Variants in ARHGAP17 observed in about 807,000 individuals in gnomAD.
The protein encoded by ARHGAP17 is rho GTPase-activating protein 17.
Under a neutral mutation model 99.5 loss-of-function variants are expected in ARHGAP17, and 57 were observed. The ratio of observed to expected loss-of-function variants is 0.57; its 90% CI spans 0.46 to 0.71. ARHGAP17 has a LOEUF of 0.71. Ranked by LOEUF, ARHGAP17 falls within the 30% of genes least tolerant of loss-of-function variation. ARHGAP17 has a pLI of 0.00. For synonymous variants in ARHGAP17, 417 were observed against 429.6 expected (o/e 0.97, Z 0.36); for missense variants, 1,000 against 1,122.4 (o/e 0.89, Z 1.56).
chr16:24,994,458 G>T (rs2053137567), intron 1 of ARHGAP17, among the ~76,000 whole-genome samples: 1 of 152,094 alleles, frequency 6.6e-6, no homozygotes, highest in African/African-American at 2.4e-5. Context: ...CCTTCCATGA[G>T]CCATCATGAG....
At chr16:24,987,630 G>C (rs2052913313) in intron 1 of ARHGAP17, among the ~76,000 whole-genome samples, 3 of 151,930 alleles carry the variant, frequency 2.0e-5, no homozygotes, top group Admixed American at 2.0e-4. Context: ...CCAACCCAAG[G>C]ATGGCAAATA....
intron 19 of ARHGAP17, among the ~76,000 whole-genome samples, chr16:24,925,874 G>A (rs1380753066): frequency 6.6e-6 from 1 of 152,186 alleles, no homozygotes; most frequent in Non-Finnish European, 1.5e-5. Context: ...ACTTTGGGAG[G>A]CCGAGACGGG....
chr16:24,976,589 G>C (rs2052523846), intron 3 of ARHGAP17, among the ~76,000 whole-genome samples: 1 of 151,500 alleles, frequency 6.6e-6, no homozygotes, highest in Non-Finnish European at 1.5e-5. Context: ...AAAGGGAAGG[G>C]AAGCAAAAAG....
At chr16:24,969,218 T>C (rs1318168204) in intron 4 of ARHGAP17, among the ~76,000 whole-genome samples, 4 of 152,226 alleles carry the variant, frequency 2.6e-5, no homozygotes, top group African/African-American at 9.6e-5. Context: ...GTTACATAAA[T>C]ATCATGTTTC....
At chr16:24,937,351 G>A (rs1435828890) in intron 17 of ARHGAP17, among the ~76,000 whole-genome samples, 1 of 152,076 alleles carries the variant, frequency 6.6e-6, no homozygotes, top group African/African-American at 2.4e-5. Flanking sequence ...GAACCCAGGA[G>A]GCAGAGGTTG....
At chr16:24,943,749 A>G (rs1248727374) in intron 15 of ARHGAP17, 22 bp downstream of exon 15, 3 of 1,606,352 alleles carry the variant, frequency 1.9e-6, no homozygotes, top group South Asian at 1.1e-5. Context: ...TTGGCGGTCA[A>G]TGAAACTGAA....
chr16:24,955,316 C>G lies in ARHGAP17; in HGVS notation c.725-586G>C, dbSNP rs187704790. 6.6e-6 allele frequency: 1 copy of G among 152,230 alleles called. No homozygotes were observed. The highest frequency in any genetic ancestry group is 2.4e-5 in the African/African-American group (1 of 41,452). 9.4% of individuals were successfully genotyped at this position (152,230 alleles called of 1,614,324 possible). A position where few individuals can be genotyped will look rare whatever the true frequency, so the allele number is the denominator to read the frequency against. Reference sequence around the variant, plus strand: ...TGCTTCAGAACACCGCATCCCCAAACAGCTCCGAAAAATTCTGAGTGGAAA... The same window carrying G: ...TGCTTCAGAACACCGCATCCCCAAAGAGCTCCGAAAAATTCTGAGTGGAAA... On this transcript the variant is annotated intron_variant, in intron 9 of 19. Coordinates refer to ENST00000289968, the MANE Select transcript of ARHGAP17 (RefSeq NM_001006634.3). This position sits in a 1 kb window ranked among gnomAD's most constrained non-coding sequence, Gnocchi z 4.0.
intron 1 of ARHGAP17, among the ~76,000 whole-genome samples, chr16:25,000,792 C>T (rs1357174576): frequency 1.3e-5 from 2 of 152,200 alleles, no homozygotes; most frequent in East Asian, 1.9e-4. Context: ...ATCTAAAGTG[C>T]ATTGCAATTG....
intron 1 of ARHGAP17, among the ~76,000 whole-genome samples, chr16:25,007,627 A>C (rs1403713115): frequency 6.6e-6 from 1 of 152,092 alleles, no homozygotes; most frequent in Non-Finnish European, 1.5e-5. Context: ...CAGCCTCCCA[A>C]AATGCTGAGA....
chr16:24,954,603 C>T lies in ARHGAP17; in HGVS notation c.852G>A (p.Glu284=). Reference sequence around the variant, plus strand: ...CACAGGATCACGAAGCTCCCCTCACCTCCTCCTTCATGCCTGTCTCCAGAA... The same window carrying T: ...CACAGGATCACGAAGCTCCCCTCACTTCCTCCTTCATGCCTGTCTCCAGAA... ...MLLLETGMKE[E]GLFRIGAGAS... The change falls in exon 10 of 20, where the codon GAG becomes GAA. Residue 284 remains glutamate, a splice_region_variant and synonymous_variant. Transcript: ENST00000289968. 6.2e-7 allele frequency: 1 copy of T among 1,612,948 alleles called. No individual in the cohort carries two copies. Among genetic ancestry groups the T allele is most frequent in the South Asian group, 1.1e-5 (1 of 90,850 alleles).
chr16:24,938,858 A>C (rs1464590745), intron 17 of ARHGAP17, among the ~76,000 whole-genome samples: 1 of 152,136 alleles, frequency 6.6e-6, no homozygotes, highest in Non-Finnish European at 1.5e-5. Context: ...TACAAGACTG[A>C]AATCTGGGGG....
chr16:24,920,050 G>C lies in ARHGAP17; in HGVS notation c.*80C>G, dbSNP rs936721240. ...CTCCACTGAAAGCTTTTCACTGTTC[G>C]GTCTGCAAAGAAAGAGGTTCGCCTG... On this transcript the variant is annotated 3_prime_UTR_variant, in exon 20 of 20. Transcript: ENST00000289968. 4.9e-5 allele frequency: 76 copies of C among 1,557,946 alleles called. No homozygotes were observed. The highest frequency in any genetic ancestry group is 6.4e-5 in the Non-Finnish European group (73 of 1,144,138).
intron 7 of ARHGAP17, among the ~76,000 whole-genome samples, chr16:24,963,551 A>G (rs2052078604): frequency 6.6e-6 from 1 of 152,224 alleles, no homozygotes; most frequent in South Asian, 2.1e-4. Flanking sequence ...GACTCCCCGA[A>G]GACCTATTCC....
intron 3 of ARHGAP17, among the ~76,000 whole-genome samples, chr16:24,970,882 G>A (rs2141321150): frequency 6.6e-6 from 1 of 152,092 alleles, no homozygotes; most frequent in South Asian, 2.1e-4. Flanking sequence ...TATTATTTTT[G>A]TTTGTTTTTT....
chr16:24,979,931 G>A (rs1366004653), intron 1 of ARHGAP17, among the ~76,000 whole-genome samples: 2 of 152,142 alleles, frequency 1.3e-5, no homozygotes, highest in African/African-American at 4.8e-5. Flanking sequence ...GGCTGGTCCC[G>A]AACTCCTGAC....
At chr16:24,947,333 T>C (rs1337819625) in intron 14 of ARHGAP17, 149 bp downstream of exon 14, 2 of 673,948 alleles carry the variant, frequency 3.0e-6, no homozygotes, top group African/African-American at 3.6e-5. Context: ...CTCACAGCTG[T>C]GTTCCAAGAA....
intron 3 of ARHGAP17, among the ~76,000 whole-genome samples, chr16:24,975,754 C>T (rs2052495588): frequency 6.6e-6 from 1 of 152,168 alleles, no homozygotes; most frequent in African/African-American, 2.4e-5. Context: ...GTCACCGAAA[C>T]TGTCACTTCA....
chr16:24,946,952 AAT>A (rs1461232474), intron 14 of ARHGAP17, among the ~76,000 whole-genome samples: 4 of 152,204 alleles, frequency 2.6e-5, no homozygotes, highest in Admixed American at 6.5e-5. Context: ...AATTCATCAT[AAT>A]ATACGTGAAA....
At chr16:24,938,720 T>C (rs1179952088) in intron 17 of ARHGAP17, among the ~76,000 whole-genome samples, 1 of 142,850 alleles carries the variant, frequency 7.0e-6, no homozygotes, top group Non-Finnish European at 1.5e-5. Context: ...TGCAGTGAGC[T>C]ACGATTATGC....
Sources: allele counts gnomAD v4.1 joint callset (sites outside exome capture counted in the v4.1 genomes callset), GRCh38; gene constraint gnomAD v4.1.1; non-coding constraint Gnocchi (gnomAD v3.1); transcripts MANE v1.5; gene names NCBI Gene and HGNC (gene_info 2026-07-23, HGNC 2026-07-21).